The following SH3GL2 variants were observed in gnomAD, a reference collection of about 807,000 sequenced individuals.
SH3GL2 encodes SH3 domain containing GRB2 like 2, endophilin A1, also known as endophilin-A1.
SH3GL2 carries 24 observed loss-of-function variants against 46.0 expected under a neutral mutation model. That is an observed-to-expected ratio of 0.52 (90% CI 0.38 to 0.73). The LOEUF is 0.73. Ranked by LOEUF, SH3GL2 falls within the 30% of genes least tolerant of loss-of-function variation. The pLI, the probability that SH3GL2 is intolerant of heterozygous loss-of-function variation, is 0.00. For synonymous variants in SH3GL2, 196 were observed against 147.1 expected (o/e 1.33, Z -2.40); for missense variants, 413 against 424.2 (o/e 0.97, Z 0.23).
At chr9:17,794,539 C>T (rs1315747693) in intron 8 of SH3GL2, among the ~76,000 whole-genome samples, 1 of 152,090 alleles carries the variant, frequency 6.6e-6, no homozygotes, top group Non-Finnish European at 1.5e-5. Flanking sequence ...GAAAACCAAC[C>T]ATATATTTCA....
At chr9:17,586,935 G>A (rs369320865) in intron 1 of SH3GL2, among the ~76,000 whole-genome samples, 2 of 152,178 alleles carry the variant, frequency 1.3e-5, no homozygotes, top group African/African-American at 2.4e-5. Context: ...GGCTGGGTGC[G>A]GTGGCTCATG....
chr9:17,683,587 AC>A (rs1820829879), intron 1 of SH3GL2, among the ~76,000 whole-genome samples: 1 of 152,016 alleles, frequency 6.6e-6, no homozygotes, highest in Non-Finnish European at 1.5e-5. Flanking sequence ...GGAACGTCCT[AC>A]CCCTATACCC....
intron 1 of SH3GL2, among the ~76,000 whole-genome samples, chr9:17,711,506 C>G (rs1449513656): frequency 6.6e-6 from 1 of 151,818 alleles, no homozygotes; most frequent in Non-Finnish European, 1.5e-5. Context: ...CAATGTTATT[C>G]TTTCTCTTAC....
At chr9:17,689,821 C>T (rs1314243378) in intron 1 of SH3GL2, among the ~76,000 whole-genome samples, 1 of 152,070 alleles carries the variant, frequency 6.6e-6, no homozygotes, top group Non-Finnish European at 1.5e-5. Context: ...AACTTGTGTT[C>T]TTTGTCTTCA....
intron 1 of SH3GL2, among the ~76,000 whole-genome samples, chr9:17,703,501 G>GA (rs1405306700): frequency 2.0e-5 from 3 of 151,718 alleles, no homozygotes; most frequent in Admixed American, 6.6e-5. Flanking sequence ...AATGAAAAAA[G>GA]AAAAACATCA....
At chr9:17,674,817 C>G (rs1820568056) in intron 1 of SH3GL2, among the ~76,000 whole-genome samples, 1 of 152,080 alleles carries the variant, frequency 6.6e-6, no homozygotes, top group Non-Finnish European at 1.5e-5. Context: ...ATGGCAGTCT[C>G]AGAGCAGCAA....
intron 3 of SH3GL2, among the ~76,000 whole-genome samples, chr9:17,780,705 C>T (rs1823782882): frequency 1.1e-5 from 1 of 92,032 alleles, no homozygotes; most frequent in Non-Finnish European, 2.2e-5. Flanking sequence ...TGTTCAATTC[C>T]CACCTATGAG....
At chr9:17,620,042 A>G (rs949636612) in intron 1 of SH3GL2, among the ~76,000 whole-genome samples, 2 of 152,176 alleles carry the variant, frequency 1.3e-5, no homozygotes, top group African/African-American at 2.4e-5. Context: ...TAAATTGGTC[A>G]GGAAACAAGT....
At chr9:17,689,915 ATTCTGTTTGTTCCTC>A (rs1189095492) in intron 1 of SH3GL2, among the ~76,000 whole-genome samples, 13 of 152,172 alleles carry the variant, frequency 8.5e-5, no homozygotes, top group African/African-American at 2.9e-4. Context: ...GACTTTGTTA[ATTCTGTTTGTTCCTC>A]TGTCTGTAGC....
intron 1 of SH3GL2, among the ~76,000 whole-genome samples, chr9:17,731,039 C>T (rs1822164397): frequency 6.6e-6 from 1 of 152,128 alleles, no homozygotes; most frequent in African/African-American, 2.4e-5. Context: ...GCATGCCAGC[C>T]TTGCGACAGT....
intron 1 of SH3GL2, among the ~76,000 whole-genome samples, chr9:17,710,825 C>G (rs1011151438): frequency 5.9e-5 from 9 of 151,882 alleles, no homozygotes; most frequent in Admixed American, 4.6e-4. Context: ...CAGCTCTCTC[C>G]TCTTATCTGC....
intron 4 of SH3GL2, among the ~76,000 whole-genome samples, chr9:17,787,126 A>G (rs1823981450): frequency 6.6e-6 from 1 of 152,148 alleles, no homozygotes; most frequent in African/African-American, 2.4e-5. Flanking sequence ...GGTACTTACA[A>G]GAGAGGGCAG....
At chr9:17,765,871 C>T (rs951075525) in intron 3 of SH3GL2, among the ~76,000 whole-genome samples, 2 of 152,190 alleles carry the variant, frequency 1.3e-5, no homozygotes, top group African/African-American at 4.8e-5. Context: ...TCCAGGCAGC[C>T]AACAGGCACT....
At chr9:17,676,339 C>T (rs1319930204) in intron 1 of SH3GL2, among the ~76,000 whole-genome samples, 1 of 152,118 alleles carries the variant, frequency 6.6e-6, no homozygotes, top group East Asian at 1.9e-4. Flanking sequence ...GGCACGGTGG[C>T]TCACGCATGT....
At chr9:17,742,054 C>G (rs1822541752) in intron 1 of SH3GL2, among the ~76,000 whole-genome samples, 1 of 152,126 alleles carries the variant, frequency 6.6e-6, no homozygotes, top group Non-Finnish European at 1.5e-5. Context: ...TGAATAGTGG[C>G]TGAACAAAAT....
rs538539550 is a variant in SH3GL2, at chr9:17,792,417, C to G, written c.729-950C>G. On this transcript the variant is annotated intron_variant, in intron 7 of 8. Transcript: ENST00000380607. ...AAATATGTTCAAAGTCAGTATCATT[C>G]TACAGTTACCATACCCTAAACCCTC... is the stretch of plus-strand genomic sequence containing the variant. 2.6e-5 allele frequency among the ~76,000 whole-genome samples: 4 copies of G among 152,274 alleles called. 1 individual carries two copies. The highest frequency in any genetic ancestry group is 9.6e-5 in the African/African-American group (4 of 41,568).
chr9:17,696,135 A>C lies in SH3GL2; in HGVS notation c.46-50931A>C, dbSNP rs144140053. On this transcript the variant is annotated intron_variant, in intron 1 of 8. Transcript: ENST00000380607. Reference sequence around the variant, plus strand: ...TCCTTTCCAGTTCTGAAGTCTGTTCAAAGTGGGGGCAGCTGGAGGACTCAG... The same window carrying C: ...TCCTTTCCAGTTCTGAAGTCTGTTCCAAGTGGGGGCAGCTGGAGGACTCAG... Among the ~76,000 whole-genome samples the C allele has an allele frequency of 1.7e-3, 266 of 152,296 alleles. 1 individual carries two copies. Among genetic ancestry groups the C allele is most frequent in the African/African-American group, 6.0e-3 (251 of 41,568 alleles).
chr9:17,591,885 T>C (rs1818488759), intron 1 of SH3GL2, among the ~76,000 whole-genome samples: 1 of 152,244 alleles, frequency 6.6e-6, no homozygotes, highest in African/African-American at 2.4e-5. Flanking sequence ...GATTGTTTCC[T>C]AAGCGTATCA....
chr9:17,643,189 T>C (rs897942952), intron 1 of SH3GL2, among the ~76,000 whole-genome samples: 8 of 152,214 alleles, frequency 5.3e-5, no homozygotes, highest in African/African-American at 1.9e-4. Context: ...GCTCTGTATT[T>C]GTCTATTTTT....
Sources: gnomAD v4.1 joint callset for allele counts (sites outside exome capture counted in the v4.1 genomes callset) on GRCh38, gnomAD v4.1.1 for gene constraint, MANE v1.5 for transcripts, NCBI Gene and HGNC (gene_info 2026-07-23, HGNC 2026-07-21) for gene names.